SLC10A7: variants seen among roughly 807,000 people sequenced by gnomAD.
SLC10A7 encodes sodium/bile acid cotransporter 7.
SLC10A7 carries 29 observed loss-of-function variants against 43.2 expected under a neutral mutation model. The observed-to-expected ratio is 0.67, with a 90% confidence interval of 0.50 to 0.92. The LOEUF is 0.92. Among genes scored for constraint, SLC10A7 ranks in the 40% least tolerant of loss-of-function variants. The pLI is 0.00. For missense variants in SLC10A7, 295 were observed against 403.2 expected (o/e 0.73, Z 2.30); for synonymous variants, 152 against 144.8 (o/e 1.05, Z -0.35).
intron 4 of SLC10A7, among the ~76,000 whole-genome samples, chr4:146,466,497 G>A (rs1733051136): frequency 6.6e-6 from 1 of 152,084 alleles, no homozygotes. Context: ...CCAAGATCAG[G>A]AGCTCACAGA....
Position 146,255,147 on chromosome 4 carries a change from C to T in SLC10A7, c.*1344G>A, listed in dbSNP as rs17021297. 0.029 allele frequency: 4,385 copies of T among 152,426 alleles called. 201 individuals carry two copies. Among genetic ancestry groups the T allele is most frequent in the African/African-American group, 0.093 (3,844 of 41,466 alleles). The allele number at this position is 152,426 out of a possible 1,614,324, so 9.4% of individuals were successfully genotyped here. The stretch of plus-strand genomic sequence containing the variant: ...TATTGTCTATCAAATCAAGAGAGGA[C>T]GTGTAAGAGGATGTGACAGGACGGC... On this transcript the variant is annotated 3_prime_UTR_variant, in exon 12 of 12. Transcript: ENST00000335472.
chr4:146,362,272 C>T (rs931837066), intron 5 of SLC10A7, among the ~76,000 whole-genome samples: 1 of 151,716 alleles, frequency 6.6e-6, no homozygotes, highest in Non-Finnish European at 1.5e-5. Flanking sequence ...GCAGATTGAC[C>T]CTAAATAAGA....
At chr4:146,294,476 T>A (rs1396487316) in intron 7 of SLC10A7, among the ~76,000 whole-genome samples, 3 of 152,180 alleles carry the variant, frequency 2.0e-5, no homozygotes, top group African/African-American at 7.2e-5. Flanking sequence ...CAATTCCAAG[T>A]GCAACTTTGG....
intron 9 of SLC10A7, among the ~76,000 whole-genome samples, chr4:146,291,818 A>G (rs1349436644): frequency 6.6e-6 from 1 of 152,144 alleles, no homozygotes; most frequent in Non-Finnish European, 1.5e-5. Flanking sequence ...TTTGAACTGA[A>G]TACAGGTTGG....
At chr4:146,269,708 C>T (rs1410649269) in intron 10 of SLC10A7, among the ~76,000 whole-genome samples, 1 of 152,104 alleles carries the variant, frequency 6.6e-6, no homozygotes, top group African/African-American at 2.4e-5. Context: ...AAGAAAAACA[C>T]TTGAACCTAT....
intron 5 of SLC10A7, among the ~76,000 whole-genome samples, chr4:146,435,207 A>T (rs1453471227): frequency 6.6e-6 from 1 of 152,198 alleles, no homozygotes; most frequent in African/African-American, 2.4e-5. Context: ...TAGAAATGCT[A>T]AATTGTTTAC....
chr4:146,398,180 GA>G (rs1243776945), intron 5 of SLC10A7, among the ~76,000 whole-genome samples: 2 of 152,148 alleles, frequency 1.3e-5, no homozygotes, highest in African/African-American at 4.8e-5. Flanking sequence ...CTAAAAAATA[GA>G]TAAATCTTTT....
chr4:146,313,457 C>T (rs1376030869), intron 6 of SLC10A7, among the ~76,000 whole-genome samples: 1 of 152,088 alleles, frequency 6.6e-6, no homozygotes, highest in African/African-American at 2.4e-5. Flanking sequence ...GGAGATTTGT[C>T]TTCATTTGCT....
At position 146,462,255 on chromosome 4, in the gene SLC10A7, C is replaced by T. The variant is rs528801007; in HGVS notation, c.397-19434G>A. ...TTATATGGGGAAGAATATAGCAATT[C>T]TTTTTTGTTAGTAAAATCATAGCTG... On this transcript the variant is annotated intron_variant, in intron 4 of 11. Coordinates refer to ENST00000335472, the MANE Select transcript of SLC10A7 (RefSeq NM_001029998.6). 1.3e-4 allele frequency among the ~76,000 whole-genome samples: 19 copies of T among 151,864 alleles called. No individual in the cohort carries two copies. In the South Asian group the frequency reaches 2.7e-3, roughly 22 times the overall value.
intron 5 of SLC10A7, among the ~76,000 whole-genome samples, chr4:146,348,507 G>A (rs900121389): frequency 1.3e-5 from 2 of 152,112 alleles, no homozygotes; most frequent in African/African-American, 4.8e-5. Context: ...CTACATAAAT[G>A]TGCTTGAGGA....
intron 5 of SLC10A7, among the ~76,000 whole-genome samples, chr4:146,439,149 CAAATTTATGT>C (rs1730419250): frequency 1.3e-5 from 2 of 151,932 alleles, no homozygotes; most frequent in South Asian, 4.1e-4. Flanking sequence ...TTCTTGGTCT[CAAATTTATGT>C]AAATTGAATT....
At chr4:146,467,561 TC>T (rs1733151378) in intron 4 of SLC10A7, among the ~76,000 whole-genome samples, 2 of 99,056 alleles carry the variant, frequency 2.0e-5, no homozygotes, top group African/African-American at 4.3e-5. Flanking sequence ...TTTCTTTCTC[TC>T]TTTTTTTTTT....
intron 5 of SLC10A7, among the ~76,000 whole-genome samples, chr4:146,423,040 G>C (rs1729069576): frequency 6.6e-6 from 1 of 152,056 alleles, no homozygotes; most frequent in South Asian, 2.1e-4. Context: ...CTTTTCTAAT[G>C]ATAAGAACAA....
intron 9 of SLC10A7, among the ~76,000 whole-genome samples, chr4:146,288,989 T>C (rs557768446): frequency 6.6e-6 from 1 of 152,348 alleles, no homozygotes; most frequent in South Asian, 2.1e-4. Context: ...GTTTTACTAG[T>C]AGAATCACAG....
chr4:146,467,563 T>TC (rs34482731), intron 4 of SLC10A7, among the ~76,000 whole-genome samples: 10 of 9,078 alleles, frequency 1.1e-3, no homozygotes, highest in African/African-American at 5.0e-3. Flanking sequence ...TCTTTCTCTC[T>TC]TTTTTTTTTT....
At chr4:146,416,471 C>A (rs555534925) in intron 5 of SLC10A7, among the ~76,000 whole-genome samples, 1 of 152,320 alleles carries the variant, frequency 6.6e-6, no homozygotes, top group Admixed American at 6.5e-5. Flanking sequence ...TCACCTGACT[C>A]TATTTGAGAA....
At chr4:146,475,575 G>C (rs571445665) in intron 4 of SLC10A7, among the ~76,000 whole-genome samples, 1 of 152,114 alleles carries the variant, frequency 6.6e-6, no homozygotes, top group African/African-American at 2.4e-5. Context: ...CATTTGCCAA[G>C]ATCTAATACT....
At chr4:146,440,275 T>TTTTTCTTTTC (rs34725476) in intron 5 of SLC10A7, among the ~76,000 whole-genome samples, 15 of 148,152 alleles carry the variant, frequency 1.0e-4, no homozygotes, top group East Asian at 3.9e-4. Flanking sequence ...AGGGAGGTCT[T>TTTTTCTTTTC]TTTTCTTTTC....
chr4:146,403,150 G>C (rs1739338066), intron 5 of SLC10A7, among the ~76,000 whole-genome samples: 1 of 152,078 alleles, frequency 6.6e-6, no homozygotes, highest in African/African-American at 2.4e-5. Flanking sequence ...TTGTTATATT[G>C]AAGTTTTACT....
Sources: gnomAD v4.1 joint callset for allele counts (sites outside exome capture counted in the v4.1 genomes callset) on GRCh38, gnomAD v4.1.1 for gene constraint, MANE v1.5 for transcripts, NCBI Gene and HGNC (gene_info 2026-07-23, HGNC 2026-07-21) for gene names.